CSMD1: variants seen among roughly 807,000 people sequenced by gnomAD.
CSMD1 encodes CUB and Sushi multiple domains 1.
Under a neutral mutation model 417.5 loss-of-function variants are expected in CSMD1, and 213 were observed. The ratio of observed to expected loss-of-function variants is 0.51; its 90% CI spans 0.46 to 0.57. CSMD1 has a LOEUF of 0.57. Ranked by LOEUF, CSMD1 falls within the 20% of genes least tolerant of loss-of-function variation. CSMD1 has a pLI of 0.00. For missense variants in CSMD1, 6,923 were observed against 4,529.7 expected, an observed-to-expected ratio of 1.53 and a Z score of -15.17; for synonymous variants, 2,862 against 1,736.8, an observed-to-expected ratio of 1.65 and a Z score of -16.11.
intron 3 of CSMD1, among the ~76,000 whole-genome samples, chr8:4,221,815 T>C (rs1282526210): frequency 6.6e-6 from 1 of 152,168 alleles, no homozygotes; most frequent in African/African-American, 2.4e-5. Flanking sequence ...CTCCTTTTCC[T>C]ACTTGGCTCT....
At chr8:4,212,491 C>G (rs373771508) in intron 3 of CSMD1, among the ~76,000 whole-genome samples, 2 of 151,804 alleles carry the variant, frequency 1.3e-5, no homozygotes, top group Admixed American at 6.6e-5. Context: ...CAGATGGAAG[C>G]GATCCTAAAG....
At chr8:3,286,794 G>C (rs1388849155) in intron 25 of CSMD1, among the ~76,000 whole-genome samples, 2 of 152,134 alleles carry the variant, frequency 1.3e-5, no homozygotes, top group African/African-American at 2.4e-5. Flanking sequence ...TCTGATGGTA[G>C]TTTCTTGTGC....
chr8:4,702,528 TA>T (rs1807640963), intron 1 of CSMD1, among the ~76,000 whole-genome samples: 1 of 152,126 alleles, frequency 6.6e-6, no homozygotes, highest in South Asian at 2.1e-4. Context: ...TTTACCAGCT[TA>T]AAAAATAAAA....
chr8:4,474,372 C>G (rs1282568733), intron 2 of CSMD1, among the ~76,000 whole-genome samples: 1 of 152,010 alleles, frequency 6.6e-6, no homozygotes, highest in East Asian at 1.9e-4. Context: ...CTAACTTGAG[C>G]TGATTAGAAT....
intron 3 of CSMD1, among the ~76,000 whole-genome samples, chr8:4,274,453 G>A (rs367665045): frequency 1.6e-4 from 24 of 152,066 alleles, no homozygotes; most frequent in Non-Finnish European, 2.9e-4. Context: ...TTGATTAATC[G>A]TCAGCACAGT....
At position 3,932,953 on chromosome 8, in the gene CSMD1, A is replaced by T. The variant is rs541107704; in HGVS notation, c.818+64950T>A. ...AAATCTTTTTTAAAAGTGTATGTGA[A>T]TTTTTAAATTTTTTGCTTTCTAATA... On this transcript the variant is annotated intron_variant, in intron 5 of 69. Transcript: ENST00000635120. Among the ~76,000 whole-genome samples, 130 of 150,228 alleles carry T rather than the reference A, an allele frequency of 8.7e-4. 8 individuals are homozygous for T. Among genetic ancestry groups the T allele is most frequent in the African/African-American group, 3.0e-3 (121 of 40,822 alleles).
chr8:4,070,362 A>G (rs1799481094), intron 3 of CSMD1, among the ~76,000 whole-genome samples: 1 of 151,852 alleles, frequency 6.6e-6, no homozygotes, highest in Non-Finnish European at 1.5e-5. Flanking sequence ...AATATTTACC[A>G]CCTATAATGT....
chr8:3,662,653 G>A (rs778034224), intron 7 of CSMD1, among the ~76,000 whole-genome samples: 1 of 152,084 alleles, frequency 6.6e-6, no homozygotes, highest in Admixed American at 6.6e-5. Context: ...CATTTTTTAT[G>A]CAGCCATGAA....
intron 25 of CSMD1, among the ~76,000 whole-genome samples, chr8:3,296,682 T>C (rs546467723): frequency 1.2e-4 from 18 of 152,042 alleles, no homozygotes; most frequent in African/African-American, 4.3e-4. Context: ...CCTGGATACG[T>C]TTTGAAGGGA....
intron 6 of CSMD1, among the ~76,000 whole-genome samples, chr8:3,718,547 T>C (rs1013146788): frequency 1.3e-5 from 2 of 152,194 alleles, no homozygotes; most frequent in African/African-American, 4.8e-5. Context: ...ATCAGAATCT[T>C]TTAATTTAAT....
chr8:4,268,020 T>C (rs1485737872), intron 3 of CSMD1, among the ~76,000 whole-genome samples: 1 of 152,118 alleles, frequency 6.6e-6, no homozygotes, highest in African/African-American at 2.4e-5. Flanking sequence ...GAATAAGACA[T>C]ATATACGAGG....
intron 3 of CSMD1, among the ~76,000 whole-genome samples, chr8:4,082,861 G>A (rs536839184): frequency 2.9e-4 from 43 of 147,094 alleles, no homozygotes; most frequent in African/African-American, 6.3e-4. Context: ...GGGAACATGC[G>A]GTGTTTGGTT....
chr8:4,064,090 G>C (rs867095411), intron 3 of CSMD1, among the ~76,000 whole-genome samples: 15 of 152,142 alleles, frequency 9.9e-5, no homozygotes, highest in African/African-American at 3.4e-4. Flanking sequence ...TGTGAAATGC[G>C]AATCTACTCT....
chr8:3,280,641 G>C (rs1802662234), intron 26 of CSMD1, among the ~76,000 whole-genome samples: 3 of 152,256 alleles, frequency 2.0e-5, no homozygotes, highest in African/African-American at 7.2e-5. Flanking sequence ...ATGTGAAATT[G>C]TCAACATTCA....
chr8:4,204,923 G>A (rs575324965), intron 3 of CSMD1, among the ~76,000 whole-genome samples: 1 of 152,220 alleles, frequency 6.6e-6, no homozygotes, highest in Non-Finnish European at 1.5e-5. Flanking sequence ...GCTTCCCAAA[G>A]TGCTGGGATT....
At chr8:3,712,668 G>C (rs907857852) in intron 6 of CSMD1, among the ~76,000 whole-genome samples, 2 of 152,132 alleles carry the variant, frequency 1.3e-5, no homozygotes, top group Non-Finnish European at 2.9e-5. Context: ...GCTTGGTTTA[G>C]CTTTGTTAGT....
At chr8:2,942,692 T>C in intron 68 of CSMD1, 88 bp from the exon 69 acceptor site, 1 of 1,043,608 alleles carries the variant, frequency 9.6e-7, no homozygotes, top group African/African-American at 1.6e-5. Flanking sequence ...GGATACGAAC[T>C]CTTCAAGAAG....
rs150798431 is a variant in CSMD1, at chr8:4,695,947, G to A, written c.86-58389C>T. Among the ~76,000 whole-genome samples the A allele has an allele frequency of 1.3e-4, 20 of 152,276 alleles. No homozygotes were observed. The East Asian group carries it at 2.7e-3, about 21-fold the overall frequency. ...TTACCATAGGATCTACATGAAAGCC[G>A]GCTGTGGTTAGAGACTTGGGTTCCG... is the stretch of plus-strand genomic sequence containing the variant. On this transcript the variant is annotated intron_variant, in intron 1 of 69. Coordinates refer to ENST00000635120, the MANE Select transcript of CSMD1 (RefSeq NM_033225.6).
intron 3 of CSMD1, among the ~76,000 whole-genome samples, chr8:4,201,988 A>G (rs1362378668): frequency 6.6e-6 from 1 of 151,860 alleles, no homozygotes; most frequent in Non-Finnish European, 1.5e-5. Context: ...TCCTACTTGC[A>G]TTTTGATGAT....
Sources: allele counts gnomAD v4.1 joint callset (sites outside exome capture counted in the v4.1 genomes callset), GRCh38; gene constraint gnomAD v4.1.1; transcripts MANE v1.5; gene names NCBI Gene and HGNC (gene_info 2026-07-23, HGNC 2026-07-21).